EYS: variants seen among roughly 807,000 people sequenced by gnomAD.
EYS encodes EGF-like photoreceptor maintenance factor, also known as protein eyes shut homolog.
Under a neutral mutation model 282.1 loss-of-function variants are expected in EYS, and 250 were observed. The ratio of observed to expected loss-of-function variants is 0.89; its 90% CI spans 0.80 to 0.98. The LOEUF is 0.98. EYS is among the 50% of genes least tolerant of loss of function. The probability of loss-of-function intolerance (pLI) is 0.00; values close to 1 mark genes in which losing one functional copy is unlikely to be tolerated. For missense variants in EYS, 4,016 were observed against 3,709.0 expected (o/e 1.08, Z -2.15); for synonymous variants, 1,355 against 1,282.9 (o/e 1.06, Z -1.20).
At chr6:65,322,839 A>T (rs922244493) in intron 11 of EYS, among the ~76,000 whole-genome samples, 8 of 148,114 alleles carry the variant, frequency 5.4e-5, no homozygotes, top group Non-Finnish European at 1.0e-4. Context: ...TCCAGGCCAG[A>T]CTCCATCTCA....
At chr6:64,709,225 T>C (rs1240612593) in intron 22 of EYS, among the ~76,000 whole-genome samples, 1 of 152,316 alleles carries the variant, frequency 6.6e-6, no homozygotes, top group African/African-American at 2.4e-5. Flanking sequence ...ACTTATACCA[T>C]CTCATTTGAA....
chr6:64,143,552 A>G (rs1442913951), intron 31 of EYS, among the ~76,000 whole-genome samples: 4 of 152,158 alleles, frequency 2.6e-5, no homozygotes, highest in Non-Finnish European at 5.9e-5. Flanking sequence ...AAGTAAGTTC[A>G]AATTTGAGAT....
chr6:65,104,909 A>G (rs1004446562), intron 12 of EYS, among the ~76,000 whole-genome samples: 5 of 151,784 alleles, frequency 3.3e-5, no homozygotes, highest in South Asian at 4.1e-4. Context: ...TCAATGCCAC[A>G]TTTAATGAAA....
intron 35 of EYS, among the ~76,000 whole-genome samples, chr6:63,933,994 A>C (rs1044393167): frequency 1.3e-5 from 2 of 152,096 alleles, no homozygotes; most frequent in Non-Finnish European, 2.9e-5. Context: ...AAATTTTTGC[A>C]ATCTACTCAT....
chr6:64,761,937 A>C (rs1053629551), intron 22 of EYS, among the ~76,000 whole-genome samples: 1 of 152,226 alleles, frequency 6.6e-6, no homozygotes, highest in African/African-American at 2.4e-5. Context: ...AAGAGTATAA[A>C]GTTTCAATTC....
At chr6:64,695,343 C>A (rs1409993520) in intron 22 of EYS, among the ~76,000 whole-genome samples, 1 of 152,100 alleles carries the variant, frequency 6.6e-6, no homozygotes, top group East Asian at 1.9e-4. Flanking sequence ...TCTGCTGATA[C>A]CAATTCATAA....
At chr6:65,134,882 C>A (rs1170609660) in intron 12 of EYS, among the ~76,000 whole-genome samples, 1 of 151,928 alleles carries the variant, frequency 6.6e-6, no homozygotes, top group African/African-American at 2.4e-5. Flanking sequence ...GAATAATGGA[C>A]AAGATCTTGG....
intron 22 of EYS, among the ~76,000 whole-genome samples, chr6:64,651,444 G>A (rs1768556126): frequency 6.6e-6 from 1 of 152,142 alleles, no homozygotes; most frequent in African/African-American, 2.4e-5. Flanking sequence ...CAGAGAGGGA[G>A]AGGGAAGAGA....
intron 19 of EYS, among the ~76,000 whole-genome samples, chr6:64,868,685 A>G (rs2150052686): frequency 6.6e-6 from 1 of 151,684 alleles, no homozygotes; most frequent in Non-Finnish European, 1.5e-5. Context: ...GGATATTCAG[A>G]AAAGTTCAAA....
At chr6:65,474,272 A>G (rs1255280222) in intron 5 of EYS, among the ~76,000 whole-genome samples, 1 of 152,102 alleles carries the variant, frequency 6.6e-6, no homozygotes, top group Admixed American at 6.5e-5. Context: ...GGAATGGTAC[A>G]TGGTAGAATG....
At chr6:64,291,306 T>A (rs930644332) in intron 30 of EYS, among the ~76,000 whole-genome samples, 4 of 152,086 alleles carry the variant, frequency 2.6e-5, no homozygotes, top group Non-Finnish European at 2.9e-5. Context: ...ACAATCTTTT[T>A]ATTGTTTATA....
At chr6:63,951,807 A>G (rs982472399) in intron 35 of EYS, among the ~76,000 whole-genome samples, 2 of 152,138 alleles carry the variant, frequency 1.3e-5, no homozygotes, top group African/African-American at 4.8e-5. Flanking sequence ...ATCAGTTAGC[A>G]TTTAGACTCT....
chr6:64,460,529 T>C (rs756577606), intron 26 of EYS, among the ~76,000 whole-genome samples: 5 of 152,238 alleles, frequency 3.3e-5, no homozygotes, highest in African/African-American at 7.2e-5. Flanking sequence ...GAGAGTCACA[T>C]AGATTCCTTA....
At chr6:65,573,454 A>C (rs1460324528) in intron 2 of EYS, among the ~76,000 whole-genome samples, 1 of 152,136 alleles carries the variant, frequency 6.6e-6, no homozygotes, top group Non-Finnish European at 1.5e-5. Flanking sequence ...CCAGAGAGGG[A>C]GACGCCACTG....
At chr6:64,569,673 G>A (rs1765663653) in intron 26 of EYS, among the ~76,000 whole-genome samples, 2 of 151,966 alleles carry the variant, frequency 1.3e-5, no homozygotes, top group Admixed American at 6.5e-5. Flanking sequence ...CCCGGGAGGC[G>A]GAGCTTGCAG....
rs1772758829 is a variant in EYS, at chr6:64,381,897, A to G, written c.6078+6793T>C. On this transcript the variant is annotated intron_variant, in intron 29 of 42. Coordinates refer to ENST00000503581, the MANE Select transcript of EYS (RefSeq NM_001142800.2). ...GCAAAACATTAGTTCTTAAAAGAAT[A>G]CAGATGGTGTTCCTTTACTCATCAT... Among the ~76,000 whole-genome samples the G allele has an allele frequency of 2.6e-5, 4 of 152,220 alleles. No homozygotes were observed. The South Asian group carries it at 8.3e-4, about 31-fold the overall frequency.
At chr6:65,617,138 A>G (rs1766230308) in intron 2 of EYS, among the ~76,000 whole-genome samples, 2 of 152,250 alleles carry the variant, frequency 1.3e-5, no homozygotes, top group South Asian at 4.1e-4. Context: ...GTTTCTGCAG[A>G]TATTCATTAA....
At chr6:64,707,126 C>T (rs1771047251) in intron 22 of EYS, among the ~76,000 whole-genome samples, 1 of 103,444 alleles carries the variant, frequency 9.7e-6, no homozygotes, top group Non-Finnish European at 2.2e-5. Context: ...CACACACACA[C>T]ACACATATAT....
At chr6:65,086,149 C>T (rs937593722) in intron 12 of EYS, among the ~76,000 whole-genome samples, 4 of 151,538 alleles carry the variant, frequency 2.6e-5, no homozygotes, top group African/African-American at 9.7e-5. Context: ...AACCCCGTAT[C>T]TACTAAAAAT....
Sources: allele counts gnomAD v4.1 joint callset (sites outside exome capture counted in the v4.1 genomes callset), GRCh38; gene constraint gnomAD v4.1.1; transcripts MANE v1.5; gene names NCBI Gene and HGNC (gene_info 2026-07-23, HGNC 2026-07-21).